Variants in SEC14L1 observed in about 807,000 individuals in gnomAD.
SEC14L1 encodes SEC14-like protein 1.
A neutral mutation model predicts 85.3 loss-of-function variants in SEC14L1; 48 were observed. That is an observed-to-expected ratio of 0.56 (90% confidence interval 0.45 to 0.72). The LOEUF (loss-of-function observed/expected upper bound fraction) is 0.72. Among genes scored for constraint, SEC14L1 ranks in the 30% least tolerant of loss-of-function variants. The pLI, the probability that SEC14L1 is intolerant of heterozygous loss-of-function variation, is 0.00. For synonymous variants in SEC14L1, 391 were observed against 355.5 expected (o/e 1.10, Z -1.12); for missense variants, 682 against 921.4 (o/e 0.74, Z 3.36).
At chr17:77,202,050 G>A (rs1013926982) in intron 9 of SEC14L1, among the ~76,000 whole-genome samples, 5 of 152,136 alleles carry the variant, frequency 3.3e-5, no homozygotes, top group African/African-American at 9.7e-5. Flanking sequence ...TGCGGCAGGA[G>A]GCTAGGCAGT....
intron 3 of SEC14L1, among the ~76,000 whole-genome samples, chr17:77,172,211 C>G (rs558372222): frequency 6.6e-6 from 1 of 152,082 alleles, no homozygotes; most frequent in East Asian, 1.9e-4. Context: ...GGTCCCACCT[C>G]TAAATTTATC....
At position 77,206,478 on chromosome 17, in the gene SEC14L1, G is replaced by A; in HGVS notation, c.1341+78G>A. 1 of 1,468,006 alleles carries A rather than the reference G, an allele frequency of 6.8e-7. No individual in the cohort carries two copies. Among genetic ancestry groups the A allele is most frequent in the Non-Finnish European group, 9.3e-7 (1 of 1,078,688 alleles). 90.9% of individuals were successfully genotyped at this position (1,468,006 alleles called of 1,614,324 possible). ...CATGCATTCATATACACGTGTCTGT[G>A]ACCTAAAGTCTTAACTTCTTAGGAA... On this transcript the variant is annotated intron_variant, in intron 12 of 16. Transcript: ENST00000436233. This position sits in a 1 kb window ranked among gnomAD's most constrained non-coding sequence, Gnocchi z 4.3.
chr17:77,111,104 G>C lies in SEC14L1; in HGVS notation c.-136+17757G>C, dbSNP rs986301170. Among the ~76,000 whole-genome samples, 15 of 151,232 alleles carry C rather than the reference G, an allele frequency of 9.9e-5. No individual in the cohort carries two copies. The East Asian group carries it at 1.6e-3, about 16-fold the overall frequency. On this transcript the variant is annotated intron_variant, in intron 3 of 19. Transcript: ENST00000392476. ...GCTACTCGGGAAGCTGAGGCAGAAGGATCGCTTGAACCCAGGAGGCAGAGG... is the reference window on the plus strand; with the variant it reads ...GCTACTCGGGAAGCTGAGGCAGAAGCATCGCTTGAACCCAGGAGGCAGAGG...
chr17:77,107,768 C>T (rs760957146), intron 3 of SEC14L1, among the ~76,000 whole-genome samples: 31 of 152,218 alleles, frequency 2.0e-4, no homozygotes, highest in Admixed American at 2.0e-3. Context: ...GTTTCCCACG[C>T]GCTGACGGCT....
At chr17:77,134,292 G>A (rs535911384) in intron 3 of SEC14L1, among the ~76,000 whole-genome samples, 55 of 149,194 alleles carry the variant, frequency 3.7e-4, no homozygotes, top group African/African-American at 1.2e-3. Flanking sequence ...CTCTGGCACC[G>A]AGGCTGTAGT....
At chr17:77,184,405 G>C (rs1258287975) in intron 3 of SEC14L1, among the ~76,000 whole-genome samples, 1 of 152,114 alleles carries the variant, frequency 6.6e-6, no homozygotes, top group Non-Finnish European at 1.5e-5. Flanking sequence ...CTAGAAAATG[G>C]TGATTTCCTA....
chr17:77,136,489 C>G (rs894983569), upstream of SEC14L1, among the ~76,000 whole-genome samples: 4 of 152,104 alleles, frequency 2.6e-5, no homozygotes, highest in African/African-American at 7.2e-5. Context: ...ATTATACATC[C>G]TTTGCTTCTT....
At chr17:77,161,874 CCCTT>C (rs939874057) in intron 3 of SEC14L1, among the ~76,000 whole-genome samples, 2 of 149,876 alleles carry the variant, frequency 1.3e-5, no homozygotes, top group South Asian at 4.2e-4. Flanking sequence ...CCCCTCCCCT[CCCTT>C]CCTTCCTTCC....
rs1346730912 is a variant in SEC14L1, at chr17:77,098,095, G to A, written c.-136+4748G>A. On this transcript the variant is annotated intron_variant, in intron 3 of 19. Transcript: ENST00000392476. ...CTCATGGGGCCTCACATGGAGGAAA[G>A]TGTGGGACTTCTGCCTTTTCTCTGA... Among the ~76,000 whole-genome samples, 3 of 152,202 alleles carry A rather than the reference G, an allele frequency of 2.0e-5. No homozygotes were observed. In the East Asian group the frequency reaches 5.8e-4, roughly 29 times the overall value.
chr17:77,089,257 C>T, exon 2 of SEC14L1: 2 of 402,774 alleles, frequency 5.0e-6, no homozygotes, highest in South Asian at 3.8e-5. Context: ...GAAGTGACCT[C>T]AGCAGGGCAT....
At chr17:77,180,976 C>G (rs1427947186) in intron 3 of SEC14L1, 1 of 152,150 alleles carries the variant, frequency 6.6e-6, no homozygotes, top group Admixed American at 6.5e-5. Flanking sequence ...CTACAGAGGA[C>G]TGAATTGTGA....
chr17:77,216,797 C>G lies in SEC14L1; in HGVS notation c.*2774C>G. The G allele has an allele frequency of 3.0e-6, 2 of 661,902 alleles. No homozygotes were observed. The highest frequency in any genetic ancestry group is 4.9e-6 in the Non-Finnish European group (2 of 410,480). 41.0% of individuals were successfully genotyped at this position (661,902 alleles called of 1,614,324 possible). ...TTTCCTCCCGAGTAATCCAATCTCA[C>G]TCCCCTTGTAAGGGAATTCTGGGGC... is the stretch of plus-strand genomic sequence containing the variant. On this transcript the variant is annotated 3_prime_UTR_variant, in exon 17 of 17. Coordinates refer to ENST00000436233, the MANE Select transcript of SEC14L1 (RefSeq NM_001143998.2).
At chr17:77,180,960 A>T (rs1479887597) in intron 3 of SEC14L1, 1 of 152,208 alleles carries the variant, frequency 6.6e-6, no homozygotes, top group African/African-American at 2.4e-5. Context: ...GGTGGGGTAC[A>T]GGAGCCTACA....
At chr17:77,200,711 C>A (rs747998638) in intron 9 of SEC14L1, 38 bp downstream of exon 9, 1 of 1,580,124 alleles carries the variant, frequency 6.3e-7, no homozygotes, top group Non-Finnish European at 8.6e-7. Flanking sequence ...CCATCGTTGT[C>A]TTGATGTGTG....
intron 2 of SEC14L1, among the ~76,000 whole-genome samples, chr17:77,090,298 A>G (rs1971479960): frequency 6.6e-6 from 1 of 151,842 alleles, no homozygotes; most frequent in Admixed American, 6.6e-5. Flanking sequence ...TCTCAAAAAA[A>G]AAAAAAAGGG....
intron 3 of SEC14L1, among the ~76,000 whole-genome samples, chr17:77,120,441 C>T (rs945553622): frequency 2.0e-5 from 3 of 151,912 alleles, no homozygotes; most frequent in African/African-American, 7.3e-5. Flanking sequence ...GCATCCACAA[C>T]CTGAGGCTGC....
At chr17:77,186,098 T>G (rs1215840351) in intron 3 of SEC14L1, among the ~76,000 whole-genome samples, 1 of 152,166 alleles carries the variant, frequency 6.6e-6, no homozygotes, top group African/African-American at 2.4e-5. Flanking sequence ...CGCATGAGTC[T>G]CTTATTAATT....
At position 77,205,302 on chromosome 17, in the gene SEC14L1, A is replaced by T. The variant is rs1472844344; in HGVS notation, c.1125A>T (p.Leu375=). 6.2e-7 allele frequency: 1 copy of T among 1,614,166 alleles called. No homozygotes were observed. Among genetic ancestry groups the T allele is most frequent in the African/African-American group, 1.3e-5 (1 of 75,066 alleles). Residue 375 remains leucine (L), a synonymous_variant, in exon 11 of 17, where the codon CTA becomes CTT. Transcript: ENST00000436233. ...RYVLSINEEG[L]RRCEENTKVF... ...TTCTCTCCATAAATGAAGAAGGGCT[A>T]AGGCGATGCGAAGAGAATACAAAAG...
At chr17:77,156,349 C>T (rs4788981) in intron 3 of SEC14L1, among the ~76,000 whole-genome samples, 50,148 of 151,890 alleles carry the variant, frequency 0.33, 8,463 homozygotes, top group East Asian at 0.38. Flanking sequence ...CTGAGGCAGG[C>T]GGATCACTTG....
Sources: allele counts gnomAD v4.1 joint callset (sites outside exome capture counted in the v4.1 genomes callset), GRCh38; gene constraint gnomAD v4.1.1; non-coding constraint Gnocchi (gnomAD v3.1); transcripts MANE v1.5; gene names NCBI Gene and HGNC (gene_info 2026-07-23, HGNC 2026-07-21).